Variants in CD9 observed in about 807,000 individuals in gnomAD.
CD9 encodes CD9 molecule.
CD9 carries 10 observed loss-of-function variants against 31.4 expected under a neutral mutation model. That is an observed-to-expected ratio of 0.32 (90% confidence interval 0.20 to 0.54). The LOEUF (loss-of-function observed/expected upper bound fraction) is 0.54, where lower values mean the gene tolerates loss of function less well. Among genes scored for constraint, CD9 ranks in the 20% least tolerant of loss-of-function variants. The probability of loss-of-function intolerance (pLI) is 0.94; values close to 1 mark genes in which losing one functional copy is unlikely to be tolerated. For missense variants in CD9, 259 were observed against 300.1 expected (o/e 0.86, Z 1.01); for synonymous variants, 113 against 114.1 (o/e 0.99, Z 0.06).
intron 2 of CD9, among the ~76,000 whole-genome samples, chr12:6,230,382 T>A (rs1463999647): frequency 5.3e-5 from 8 of 152,250 alleles, no homozygotes; most frequent in Admixed American, 5.2e-4. Context: ...TGGGAAATAC[T>A]TTCTCTTTAG....
rs535523346 is a variant in CD9 at position 6,209,720 on chromosome 12, TGTTGCCCA to T, written c.66+9157_66+9164del. Reference sequence around the variant, plus strand: ...TTTTTTCTGAGATGGAGTCTCATTCTGTTGCCCAGGCTGGAGTGTAGTGGCACAATCTC... The same window carrying T: ...TTTTTTCTGAGATGGAGTCTCATTCTGGCTGGAGTGTAGTGGCACAATCTC... On this transcript the variant is annotated intron_variant, in intron 1 of 7. Transcript: ENST00000009180. Among the ~76,000 whole-genome samples the T allele has an allele frequency of 2.9e-4, 43 of 149,232 alleles. No homozygotes were observed. In the East Asian group the frequency reaches 8.5e-3, roughly 30 times the overall value.
At chr12:6,218,312 A>G (rs1020529395) in intron 1 of CD9, among the ~76,000 whole-genome samples, 5 of 152,130 alleles carry the variant, frequency 3.3e-5, no homozygotes. Flanking sequence ...AAGAGCACCC[A>G]GTTTGTTTGA....
intron 2 of CD9, among the ~76,000 whole-genome samples, chr12:6,229,174 C>T (rs1946408883): frequency 6.6e-6 from 1 of 152,212 alleles, no homozygotes; most frequent in South Asian, 2.1e-4. Context: ...TTCCCAGCTC[C>T]CTGGTGTCCC....
intron 1 of CD9, among the ~76,000 whole-genome samples, chr12:6,217,180 G>T (rs1946251812): frequency 6.6e-6 from 1 of 152,002 alleles, no homozygotes; most frequent in Admixed American, 6.6e-5. Flanking sequence ...AGAATCCCTG[G>T]GAGCACAAAG....
intron 1 of CD9, among the ~76,000 whole-genome samples, chr12:6,204,968 C>T (rs1223364948): frequency 6.6e-6 from 1 of 152,220 alleles, no homozygotes; most frequent in African/African-American, 2.4e-5. Flanking sequence ...TGCGGGAAGG[C>T]CCCGCTTCTG....
At chr12:6,225,141 T>C in intron 1 of CD9, 1 of 396,154 alleles carries the variant, frequency 2.5e-6, no homozygotes, top group Non-Finnish European at 4.6e-6. Context: ...TGCGTGTAGC[T>C]AGAGTTACTC....
chr12:6,213,795 G>T (rs1482481545), intron 1 of CD9, among the ~76,000 whole-genome samples: 2 of 152,188 alleles, frequency 1.3e-5, no homozygotes, highest in Non-Finnish European at 2.9e-5. Flanking sequence ...TCAATGGCGG[G>T]AGAGAACAAA....
At chr12:6,227,220 C>T (rs1460796550) in intron 2 of CD9, among the ~76,000 whole-genome samples, 2 of 147,060 alleles carry the variant, frequency 1.4e-5, no homozygotes, top group Non-Finnish European at 3.0e-5. Context: ...TTTTTTGAGA[C>T]GAAGTTTCAA....
In CD9 at chr12:6,232,370, AC is replaced by A; in HGVS notation, c.176-260del. The A allele has an allele frequency of 1.8e-6, 1 of 556,556 alleles. No individual in the cohort carries two copies. Among genetic ancestry groups the A allele is most frequent in the Non-Finnish European group, 3.2e-6 (1 of 309,884 alleles). 34.5% of individuals were successfully genotyped at this position (556,556 alleles called of 1,614,324 possible). On this transcript the variant is annotated intron_variant, in intron 2 of 7. Transcript: ENST00000009180. The surrounding 1 kb of genome is among the most constrained non-coding windows in gnomAD (Gnocchi z 4.8). ...TGTCCTGGATTGAGGGCTAATGGGC[AC>A]CTTCCAGAAGGGCTGAGGGTAAGGT...
chr12:6,232,541 A>G lies in CD9; in HGVS notation c.176-91A>G. The stretch of plus-strand genomic sequence containing the variant: ...GGGAATAAGGAGGTGGGGAGGCAGG[A>G]GTTAGGCAGAGGGAAACAGGAATTG... On this transcript the variant is annotated intron_variant, in intron 2 of 7. Transcript: ENST00000009180. The surrounding 1 kb of genome is among the most constrained non-coding windows in gnomAD (Gnocchi z 4.8). 1.3e-6 allele frequency: 1 copy of G among 784,098 alleles called. No individual in the cohort carries two copies. 48.6% of individuals were successfully genotyped at this position (784,098 alleles called of 1,614,324 possible).
At chr12:6,209,873 T>A (rs1946174751) in intron 1 of CD9, among the ~76,000 whole-genome samples, 1 of 151,960 alleles carries the variant, frequency 6.6e-6, no homozygotes, top group South Asian at 2.1e-4. Context: ...TTAGTAGAGA[T>A]GGGGTTTTGC....
At chr12:6,202,028 C>T (rs1946083675) in intron 1 of CD9, among the ~76,000 whole-genome samples, 1 of 152,056 alleles carries the variant, frequency 6.6e-6, no homozygotes, top group African/African-American at 2.4e-5. Flanking sequence ...CCTAGTGAGC[C>T]CTGTCTCAAA....
intron 1 of CD9, among the ~76,000 whole-genome samples, chr12:6,205,714 T>A (rs1221890771): frequency 6.6e-6 from 1 of 152,212 alleles, no homozygotes; most frequent in Non-Finnish European, 1.5e-5. Context: ...AACTTAATAA[T>A]ACCTTGGATT....
chr12:6,235,373 G>T, intron 5 of CD9, 46 bp downstream of exon 5: 1 of 1,614,144 alleles, frequency 6.2e-7, no homozygotes, highest in South Asian at 1.1e-5. Flanking sequence ...TCTCCGGATT[G>T]TGTCTGCACA....
At chr12:6,231,749 A>G (rs952949003) in intron 2 of CD9, among the ~76,000 whole-genome samples, 1 of 152,188 alleles carries the variant, frequency 6.6e-6, no homozygotes, top group African/African-American at 2.4e-5. Context: ...GGGCTTAGTA[A>G]TGGTGTCACT....
intron 1 of CD9, among the ~76,000 whole-genome samples, chr12:6,210,473 G>C (rs147034393): frequency 6.6e-6 from 1 of 152,072 alleles, no homozygotes; most frequent in African/African-American, 2.4e-5. Context: ...GACTCTCTTC[G>C]AGCACCCACT....
chr12:6,218,299 G>A lies in CD9; in HGVS notation c.67-7127G>A, dbSNP rs533569125. On this transcript the variant is annotated intron_variant, in intron 1 of 7. Transcript: ENST00000009180. ...GGACCTGGAGGAAAAGGGGGCCCAC[G>A]CCAAGAGCACCCAGTTTGTTTGACC... Among the ~76,000 whole-genome samples, 25 of 152,054 alleles carry A rather than the reference G, an allele frequency of 1.6e-4. No individual in the cohort carries two copies. The South Asian group carries it at 5.0e-3, about 30-fold the overall frequency.
chr12:6,233,127 T>TCTTAACTAAC, intron 3 of CD9: 1 of 694,606 alleles, frequency 1.4e-6, no homozygotes, highest in East Asian at 2.7e-5. Flanking sequence ...AGTAGTTGCC[T>TCTTAACTAAC]GCTCACTGAC....
At chr12:6,201,591 G>C (rs1448533823) in intron 1 of CD9, among the ~76,000 whole-genome samples, 2 of 152,256 alleles carry the variant, frequency 1.3e-5, no homozygotes, top group East Asian at 3.8e-4. Context: ...CAGAAGCAAG[G>C]AATAGGAAAC....
Sources: allele counts gnomAD v4.1 joint callset (sites outside exome capture counted in the v4.1 genomes callset), GRCh38; gene constraint gnomAD v4.1.1; non-coding constraint Gnocchi (gnomAD v3.1); transcripts MANE v1.5; gene names NCBI Gene and HGNC (gene_info 2026-07-23, HGNC 2026-07-21).